The following STARD13 variants were observed in gnomAD, a reference collection of about 807,000 sequenced individuals.
STARD13 encodes StAR related lipid transfer domain containing 13.
STARD13 carries 62 observed loss-of-function variants against 106.4 expected under a neutral mutation model. The ratio of observed to expected loss-of-function variants is 0.58; its 90% confidence interval spans 0.48 to 0.72. STARD13 has a LOEUF of 0.72. Ranked by LOEUF, STARD13 falls within the 30% of genes least tolerant of loss-of-function variation. The pLI is 0.00. For synonymous variants in STARD13, 565 were observed against 553.0 expected (o/e 1.02, Z -0.31); for missense variants, 1,387 against 1,424.0 (o/e 0.97, Z 0.42).
intron 1 of STARD13, among the ~76,000 whole-genome samples, chr13:33,197,238 G>A (rs1480418560): frequency 1.3e-5 from 2 of 152,130 alleles, no homozygotes; most frequent in African/African-American, 4.8e-5. Context: ...GACTGAGGAG[G>A]TCAATATTTT....
Position 33,164,850 on chromosome 13 carries a change from C to T in STARD13, c.323+487G>A, listed in dbSNP as rs926241029. ...CTACAATTACTTGAGTTCATACACA[C>T]GAGTTTGAGGAGATAATCACTTGAC... is the stretch of plus-strand genomic sequence containing the variant. On this transcript the variant is annotated intron_variant, in intron 3 of 13. Coordinates refer to ENST00000336934, the MANE Select transcript of STARD13 (RefSeq NM_178006.4). 5.3e-5 allele frequency among the ~76,000 whole-genome samples: 8 copies of T among 152,064 alleles called. No homozygotes were observed. In the East Asian group the frequency reaches 5.8e-4, roughly 11 times the overall value.
chr13:33,149,360 A>C (rs1407025938), intron 3 of STARD13, among the ~76,000 whole-genome samples: 1 of 152,186 alleles, frequency 6.6e-6, no homozygotes, highest in African/African-American at 2.4e-5. Context: ...GTGAACCTAA[A>C]AATTCTCTAA....
intron 1 of STARD13, among the ~76,000 whole-genome samples, chr13:33,246,620 G>A (rs186346770): frequency 2.6e-5 from 4 of 152,180 alleles, no homozygotes; most frequent in East Asian, 1.9e-4. Context: ...TAGATCCAAC[G>A]AGGATCCAAA....
intron 1 of STARD13, among the ~76,000 whole-genome samples, chr13:33,304,440 C>T (rs1892829832): frequency 6.6e-6 from 1 of 152,120 alleles, no homozygotes; most frequent in Non-Finnish European, 1.5e-5. Context: ...TGAAGCCCTT[C>T]ACTTCTAAAT....
At chr13:33,413,397 G>T in the STARD13 span, among the ~76,000 whole-genome samples, 1 of 151,846 alleles carries the variant, frequency 6.6e-6, no homozygotes, top group East Asian at 1.9e-4. Context: ...CAGAAAGAAA[G>T]AAATAATAAA....
chr13:33,423,699 G>A, the STARD13 span, among the ~76,000 whole-genome samples: 3 of 152,318 alleles, frequency 2.0e-5, no homozygotes, highest in South Asian at 4.1e-4. Flanking sequence ...CAACCCAAAT[G>A]TTCATCAAGG....
intron 1 of STARD13, among the ~76,000 whole-genome samples, chr13:33,349,793 C>A (rs553859598): frequency 1.3e-5 from 2 of 152,224 alleles, no homozygotes; most frequent in Non-Finnish European, 2.9e-5. Context: ...CCCTCTACCC[C>A]CGAGTGGCTG....
intron 1 of STARD13, among the ~76,000 whole-genome samples, chr13:33,329,238 C>T (rs542516355): frequency 4.0e-5 from 6 of 150,452 alleles, no homozygotes; most frequent in African/African-American, 1.5e-4. Flanking sequence ...CATGGAATTA[C>T]AGGATTTTTT....
At chr13:33,674,250 G>A in the STARD13 span, among the ~76,000 whole-genome samples, 1 of 152,146 alleles carries the variant, frequency 6.6e-6, no homozygotes, top group African/African-American at 2.4e-5. Context: ...TGTTCATGAA[G>A]AGTTGCATTC....
At chr13:33,164,492 A>G (rs1278233855) in intron 3 of STARD13, 1 of 152,162 alleles carries the variant, frequency 6.6e-6, no homozygotes, top group Non-Finnish European at 1.5e-5. Flanking sequence ...AACTAGCTGT[A>G]TGGCCTTGGT....
chr13:33,448,403 A>G, the STARD13 span, among the ~76,000 whole-genome samples: 1 of 152,136 alleles, frequency 6.6e-6, no homozygotes, highest in African/African-American at 2.4e-5. Context: ...ATATAATTTA[A>G]CAGGTTCATC....
intron 1 of STARD13, among the ~76,000 whole-genome samples, chr13:33,174,356 G>C (rs1257999621): frequency 3.3e-5 from 5 of 151,464 alleles, no homozygotes; most frequent in African/African-American, 4.9e-5. Context: ...GCCCTTTCCA[G>C]CTGCCATGTG....
chr13:33,516,658 G>A, the STARD13 span, among the ~76,000 whole-genome samples: 1 of 151,646 alleles, frequency 6.6e-6, no homozygotes, highest in African/African-American at 2.4e-5. Flanking sequence ...TTACCACCTA[G>A]AGCTTCTCTG....
chr13:33,487,597 C>T, the STARD13 span, among the ~76,000 whole-genome samples: 1 of 152,094 alleles, frequency 6.6e-6, no homozygotes, highest in African/African-American at 2.4e-5. Context: ...CATGAGATCC[C>T]GGTGCACTCA....
chr13:33,541,486 C>G, the STARD13 span, among the ~76,000 whole-genome samples: 2 of 152,218 alleles, frequency 1.3e-5, no homozygotes, highest in South Asian at 4.1e-4. Context: ...TAGTACTCCT[C>G]ACGTCACAGC....
chr13:33,553,414 C>T, the STARD13 span, among the ~76,000 whole-genome samples: 2 of 150,502 alleles, frequency 1.3e-5, no homozygotes, highest in African/African-American at 2.4e-5. Flanking sequence ...TGACATAGGA[C>T]GTAAAGGTAT....
chr13:33,225,104 C>T (rs147413241), intron 1 of STARD13, among the ~76,000 whole-genome samples: 31 of 152,116 alleles, frequency 2.0e-4, no homozygotes, highest in South Asian at 6.2e-4. Flanking sequence ...TCTTTCTAAA[C>T]GGAATATACA....
intron 7 of STARD13, among the ~76,000 whole-genome samples, chr13:33,122,605 T>C (rs1231189712): frequency 6.6e-6 from 1 of 152,224 alleles, no homozygotes; most frequent in Non-Finnish European, 1.5e-5. Context: ...AAGGGGAGAA[T>C]GGCCATCAGC....
At chr13:33,434,119 G>A in the STARD13 span, among the ~76,000 whole-genome samples, 6 of 152,012 alleles carry the variant, frequency 3.9e-5, no homozygotes, top group Non-Finnish European at 5.9e-5. Flanking sequence ...TTAGGACGCC[G>A]AGGCAGGTGG....
Sources: allele counts gnomAD v4.1 joint callset (sites outside exome capture counted in the v4.1 genomes callset), GRCh38; gene constraint gnomAD v4.1.1; transcripts MANE v1.5; gene names NCBI Gene and HGNC (gene_info 2026-07-23, HGNC 2026-07-21).